Variants in ST6GAL2 observed in about 807,000 individuals in gnomAD.
ST6GAL2 encodes the protein ST6 beta-galactoside alpha-2,6-sialyltransferase 2.
In ST6GAL2, 24 loss-of-function variants were observed where a neutral mutation model predicts 37.5. The observed-to-expected ratio is 0.64, with a 90% CI of 0.46 to 0.90. ST6GAL2 has a LOEUF of 0.90. Among genes scored for constraint, ST6GAL2 ranks in the 40% least tolerant of loss-of-function variants. The pLI is 0.00. For synonymous variants in ST6GAL2, 306 were observed against 295.1 expected (o/e 1.04, Z -0.38); for missense variants, 715 against 712.7 (o/e 1.00, Z -0.04).
chr2:106,821,283 T>G (rs538246282), intron 5 of ST6GAL2, among the ~76,000 whole-genome samples: 1 of 151,322 alleles, frequency 6.6e-6, no homozygotes, highest in African/African-American at 2.4e-5. Context: ...ATAAATAAAG[T>G]TAGAGATGAA....
intron 1 of ST6GAL2, among the ~76,000 whole-genome samples, chr2:106,881,999 A>G (rs1678769505): frequency 6.6e-6 from 1 of 152,218 alleles, no homozygotes; most frequent in South Asian, 2.1e-4. Flanking sequence ...TGGAAATTTC[A>G]CTTGATATGA....
At chr2:106,858,729 G>A (rs1217828047) in intron 1 of ST6GAL2, among the ~76,000 whole-genome samples, 3 of 152,072 alleles carry the variant, frequency 2.0e-5, no homozygotes, top group East Asian at 1.9e-4. Flanking sequence ...AAGAGGAAGA[G>A]GACACTAGAG....
intron 1 of ST6GAL2, among the ~76,000 whole-genome samples, chr2:106,884,934 T>TATATATACAC (rs1425070594): frequency 0.01 from 1,241 of 120,366 alleles, 52 homozygotes; most frequent in African/African-American, 0.041. Context: ...TATATATATA[T>TATATATACAC]ACATACACAC....
intron 1 of ST6GAL2, among the ~76,000 whole-genome samples, chr2:106,871,104 G>A (rs1017678282): frequency 2.6e-5 from 4 of 152,146 alleles, no homozygotes; most frequent in Admixed American, 2.6e-4. Flanking sequence ...TTGCTCCTAG[G>A]CTGCAAACGT....
chr2:106,859,193 G>C (rs573287940), intron 1 of ST6GAL2, among the ~76,000 whole-genome samples: 16 of 152,180 alleles, frequency 1.1e-4, no homozygotes, highest in Admixed American at 4.6e-4. Flanking sequence ...CACCTAAAAG[G>C]GTTGGCTGAA....
intron 2 of ST6GAL2, among the ~76,000 whole-genome samples, chr2:106,839,789 T>C (rs1223784560): frequency 6.6e-6 from 1 of 152,204 alleles, no homozygotes; most frequent in Non-Finnish European, 1.5e-5. Flanking sequence ...ACATGAATGC[T>C]AGTAGCACTG....
chr2:106,813,124 T>C, intron 5 of ST6GAL2: 1 of 1,254,802 alleles, frequency 8.0e-7, no homozygotes, highest in South Asian at 3.3e-5. Context: ...GTTTTTTTTT[T>C]TTTTTTGAGA....
rs993262007 is a variant in ST6GAL2 at position 106,806,369 on chromosome 2, T to C, written c.*309A>G. 6.9e-6 allele frequency: 2 copies of C among 291,954 alleles called. No homozygotes were observed. The highest frequency in any genetic ancestry group is 1.3e-5 in the Non-Finnish European group (2 of 155,844). The allele number at this position is 291,954 out of a possible 1,614,324, so 18.1% of individuals were successfully genotyped here. A position where few individuals can be genotyped will look rare whatever the true frequency, so the allele number is the denominator to read the frequency against. Reference sequence around the variant, plus strand: ...TGAAACCAACCCTGATGAGGGGTACTCATGGCAGAAGAATAAGTTGTTAAC... The same window carrying C: ...TGAAACCAACCCTGATGAGGGGTACCCATGGCAGAAGAATAAGTTGTTAAC... On this transcript the variant is annotated 3_prime_UTR_variant, in exon 6 of 6. Coordinates refer to ENST00000409382, the MANE Select transcript of ST6GAL2 (RefSeq NM_001142351.2).
At chr2:106,887,029 C>G (rs934001014), upstream of ST6GAL2, 9 of 152,302 alleles carry the variant, frequency 5.9e-5, no homozygotes, top group Non-Finnish European at 8.8e-5. Flanking sequence ...CACTCGGGTC[C>G]CGGGCGGCGG....
chr2:106,857,355 C>A (rs1186189801), intron 1 of ST6GAL2, among the ~76,000 whole-genome samples: 1 of 152,130 alleles, frequency 6.6e-6, no homozygotes, highest in Non-Finnish European at 1.5e-5. Context: ...GTAATCCCAG[C>A]ACTTTGGGAG....
At chr2:106,808,997 A>G (rs138014039) in intron 5 of ST6GAL2, among the ~76,000 whole-genome samples, 4,793 of 152,210 alleles carry the variant, frequency 0.031, 101 homozygotes, top group South Asian at 0.09. Context: ...ACAGAGCAAG[A>G]CTCTGTCTCA....
intron 1 of ST6GAL2, among the ~76,000 whole-genome samples, chr2:106,870,510 T>C (rs913824806): frequency 1.3e-5 from 2 of 152,062 alleles, no homozygotes; most frequent in African/African-American, 4.8e-5. Flanking sequence ...TATAAATCAG[T>C]TGAAAAAGCA....
chr2:106,815,054 C>T (rs754224035), intron 5 of ST6GAL2, among the ~76,000 whole-genome samples: 3 of 152,148 alleles, frequency 2.0e-5, no homozygotes, highest in Non-Finnish European at 2.9e-5. Flanking sequence ...AATACATGTG[C>T]AGTCCAATAA....
At chr2:106,831,460 G>A (rs1039530054) in intron 4 of ST6GAL2, among the ~76,000 whole-genome samples, 2 of 152,174 alleles carry the variant, frequency 1.3e-5, no homozygotes, top group Non-Finnish European at 2.9e-5. Context: ...CTTAAAACCA[G>A]GGAACCTCAG....
intron 1 of ST6GAL2, among the ~76,000 whole-genome samples, chr2:106,878,057 G>A (rs928660402): frequency 1.1e-4 from 17 of 152,332 alleles, no homozygotes; most frequent in Admixed American, 3.3e-4. Context: ...CTGTACGCCC[G>A]TCACAGTTAA....
intron 5 of ST6GAL2, among the ~76,000 whole-genome samples, chr2:106,826,754 G>T (rs1676224423): frequency 6.6e-6 from 1 of 152,296 alleles, no homozygotes; most frequent in South Asian, 2.1e-4. Flanking sequence ...TGGCATGGGA[G>T]ACTATAAGGA....
At position 106,805,957 on chromosome 2, in the gene ST6GAL2, C is replaced by A. The variant is rs1675402230; in HGVS notation, c.*721G>T. 1 of 152,244 alleles carries A rather than the reference C, an allele frequency of 6.6e-6. No homozygotes were observed. Among genetic ancestry groups the A allele is most frequent in the Non-Finnish European group, 1.5e-5 (1 of 68,126 alleles). The allele number at this position is 152,244 out of a possible 1,614,324, so 9.4% of individuals were successfully genotyped here. On this transcript the variant is annotated 3_prime_UTR_variant, in exon 6 of 6. Coordinates refer to ENST00000409382, the MANE Select transcript of ST6GAL2 (RefSeq NM_001142351.2). ...CCTGGTGGATGTGATACTAATGTTCCTGGTTGAAATACTGCAGGGAAACAA... is the reference window on the plus strand; with the variant it reads ...CCTGGTGGATGTGATACTAATGTTCATGGTTGAAATACTGCAGGGAAACAA...
In ST6GAL2 at chr2:106,805,783, G is replaced by A. The variant is rs1675395397; in HGVS notation, c.*895C>T. 6.6e-6 allele frequency: 1 copy of A among 152,262 alleles called. No homozygotes were observed. Among genetic ancestry groups the A allele is most frequent in the Non-Finnish European group, 1.5e-5 (1 of 68,056 alleles). The allele number at this position is 152,262 out of a possible 1,614,324, so 9.4% of individuals were successfully genotyped here. A position where few individuals can be genotyped will look rare whatever the true frequency, so the allele number is the denominator to read the frequency against. On this transcript the variant is annotated 3_prime_UTR_variant, in exon 6 of 6. Transcript: ENST00000409382. ...GTCTCCCGTCTTCCCCAGCACAGCTGTGCCAATTGTCAAGTGTGTCACTGA... is the reference window on the plus strand; with the variant it reads ...GTCTCCCGTCTTCCCCAGCACAGCTATGCCAATTGTCAAGTGTGTCACTGA...
intron 1 of ST6GAL2, among the ~76,000 whole-genome samples, chr2:106,852,231 C>G (rs115923341): frequency 0.013 from 2,027 of 152,354 alleles, 48 homozygotes; most frequent in African/African-American, 0.045. Flanking sequence ...ACATCCCCCT[C>G]TCTAAGGAGT....
Sources: allele counts gnomAD v4.1 joint callset (sites outside exome capture counted in the v4.1 genomes callset), GRCh38; gene constraint gnomAD v4.1.1; transcripts MANE v1.5; gene names NCBI Gene and HGNC (gene_info 2026-07-23, HGNC 2026-07-21).